EXOC3L4: variants seen among roughly 807,000 people sequenced by gnomAD.
EXOC3L4 encodes exocyst complex component 3-like protein 4.
A neutral mutation model predicts 69.7 loss-of-function variants in EXOC3L4; 62 were observed. The observed-to-expected ratio is 0.89, with a 90% CI of 0.72 to 1.10. The LOEUF is 1.10. Among genes scored for constraint, EXOC3L4 ranks in the 50% least tolerant of loss-of-function variants. The pLI is 0.00. For synonymous variants in EXOC3L4, 502 were observed against 464.2 expected (o/e 1.08, Z -1.05); for missense variants, 1,087 against 1,034.8 (o/e 1.05, Z -0.69).
chr14:103,104,734 G>T lies in EXOC3L4; in HGVS notation c.1285-4G>T, dbSNP rs1459620537. The T allele has an allele frequency of 6.7e-7, 1 of 1,495,878 alleles. No individual in the cohort carries two copies. The highest frequency in any genetic ancestry group is 8.9e-7 in the Non-Finnish European group (1 of 1,123,156). 92.7% of individuals were successfully genotyped at this position (1,495,878 alleles called of 1,614,324 possible). ...GCACGCTCAGTGCGGGGCTTCGCTCGCAGCTCGTGGCCGAGCACGTGAAGG... is the reference window on the plus strand; with the variant it reads ...GCACGCTCAGTGCGGGGCTTCGCTCTCAGCTCGTGGCCGAGCACGTGAAGG... On this transcript the variant is annotated splice_polypyrimidine_tract_variant and splice_region_variant and intron_variant, in intron 5 of 11. Coordinates refer to ENST00000688303, the MANE Select transcript of EXOC3L4 (RefSeq NM_001077594.2).
At position 103,100,206 on chromosome 14, in the gene EXOC3L4, C is replaced by T. The variant is rs769851589; in HGVS notation, c.-14C>T. 2 of 1,559,548 alleles carry T rather than the reference C, an allele frequency of 1.3e-6. No homozygotes were observed. Among genetic ancestry groups the T allele is most frequent in the South Asian group, 1.2e-5 (1 of 84,390 alleles). Reference sequence around the variant, plus strand: ...TGGCCACTCCTTCTTGCCCCCAGCTCTCCTGCTGCCAAGATGCCATCACCA... The same window carrying T: ...TGGCCACTCCTTCTTGCCCCCAGCTTTCCTGCTGCCAAGATGCCATCACCA... On this transcript the variant is annotated splice_region_variant and 5_prime_UTR_variant, in exon 2 of 12. Transcript: ENST00000688303.
rs767593160 is a variant in EXOC3L4 at position 103,104,370 on chromosome 14, TGTCCATGGAC to T, written c.1272_1281del (p.Met424IlefsTer8). The T allele has an allele frequency of 3.2e-6, 5 of 1,584,220 alleles. No homozygotes were observed. The highest frequency in any genetic ancestry group is 1.4e-5 in the African/African-American group (1 of 73,630). ...CTGCAGGGCCTCTACCAGGCGCCGC[TGTCCATGGAC>T]GTCCATATGGTGCGGCCCGGGAGCA... is the stretch of plus-strand genomic sequence containing the variant. On this transcript the variant is annotated frameshift_variant, in exon 5 of 12. Transcript: ENST00000688303. LOFTEE classifies it high-confidence loss of function.
At chr14:103,108,624 AC>A in intron 11 of EXOC3L4, 107 bp downstream of exon 11, 1 of 1,467,526 alleles carries the variant, frequency 6.8e-7, no homozygotes, top group Non-Finnish European at 9.2e-7. Flanking sequence ...GGGCCTGAAG[AC>A]CAGAGGCAGG....
At position 103,108,327 on chromosome 14, in the gene EXOC3L4, C is replaced by T. The variant is rs533388822; in HGVS notation, c.1855-69C>T. ...GAGGGCTGACCTCGCACTGACCTCG[C>T]GCTCTTGCAGGAGTTGGAGCAGCGG... On this transcript the variant is annotated intron_variant, in intron 10 of 11. Coordinates refer to ENST00000688303, the MANE Select transcript of EXOC3L4 (RefSeq NM_001077594.2). The T allele has an allele frequency of 1.4e-5, 22 of 1,582,602 alleles. No individual in the cohort carries two copies. The African/African-American group carries it at 1.9e-4, about 14-fold the overall frequency.
intron 2 of EXOC3L4, among the ~76,000 whole-genome samples, chr14:103,101,651 C>T (rs1890190757): frequency 6.6e-6 from 1 of 152,124 alleles, no homozygotes. Context: ...GGAGGATACA[C>T]TGGGGTGGGA....
chr14:103,102,777 G>A lies in EXOC3L4; in HGVS notation c.1049+5G>A. 1 of 1,335,874 alleles carries A rather than the reference G, an allele frequency of 7.5e-7. No homozygotes were observed. Among genetic ancestry groups the A allele is most frequent in the Non-Finnish European group, 9.6e-7 (1 of 1,045,962 alleles). 82.8% of individuals were successfully genotyped at this position (1,335,874 alleles called of 1,614,324 possible). Reference sequence around the variant, plus strand: ...GGCCGCCAACGTCTACGGCAGGTGAGTCTCGGCCAGGGCGCCCAGTGGCGA... The same window carrying A: ...GGCCGCCAACGTCTACGGCAGGTGAATCTCGGCCAGGGCGCCCAGTGGCGA... On this transcript the variant is annotated splice_donor_5th_base_variant and intron_variant, in intron 3 of 11. Coordinates refer to ENST00000688303, the MANE Select transcript of EXOC3L4 (RefSeq NM_001077594.2).
intron 1 of EXOC3L4, among the ~76,000 whole-genome samples, chr14:103,095,803 AC>A (rs1228548588): frequency 6.6e-6 from 1 of 152,180 alleles, no homozygotes; most frequent in Non-Finnish European, 1.5e-5. Context: ...AATTTACTAA[AC>A]CCTTTTATTA....
Position 103,102,287 on chromosome 14 carries a change from G to A in EXOC3L4, c.564G>A (p.Gly188=). 6.3e-7 allele frequency: 1 copy of A among 1,577,126 alleles called. No homozygotes were observed. The highest frequency in any genetic ancestry group is 8.6e-7 in the Non-Finnish European group (1 of 1,166,356). Residue 188 remains glycine, a synonymous_variant, in exon 3 of 12, where the codon GGG becomes GGA. Coordinates refer to ENST00000688303, the MANE Select transcript of EXOC3L4 (RefSeq NM_001077594.2). ...RAMDVCLLYD[G]LAAEIGAIVR... Reference sequence around the variant, plus strand: ...TGGACGTGTGCCTGCTTTACGACGGGCTGGCAGCCGAGATCGGCGCCATCG... The same window carrying A: ...TGGACGTGTGCCTGCTTTACGACGGACTGGCAGCCGAGATCGGCGCCATCG...
Position 103,100,320 on chromosome 14 carries a change from G to A in EXOC3L4, c.101G>A (p.Ser34Asn). The A allele has an allele frequency of 6.3e-7, 1 of 1,590,770 alleles. No individual in the cohort carries two copies. The highest frequency in any genetic ancestry group is 1.1e-5 in the South Asian group (1 of 88,250). Residue 34 changes from serine to asparagine, a missense_variant, in exon 2 of 12, where the codon AGC becomes AAC. Physicochemically the swap from Ser to Asn is conservative, Grantham distance 46. Transcript: ENST00000688303. ...GCTCAGGGCTCCCGGCGAACAAGCA[G>A]CAGGAAAGAGCCCAATGCCCACCGC... ...TPAQGSRRTSSRKEPNAHRKD... is the reference protein window; with the variant it reads ...TPAQGSRRTSNRKEPNAHRKD...
At position 103,102,245 on chromosome 14, in the gene EXOC3L4, C is replaced by A; in HGVS notation, c.522C>A (p.Ala174=). The A allele has an allele frequency of 6.3e-7, 1 of 1,588,688 alleles. No homozygotes were observed. Among genetic ancestry groups the A allele is most frequent in the East Asian group, 2.3e-5 (1 of 43,314 alleles). Residue 174 remains alanine (A), a synonymous_variant, in exon 3 of 12, where the codon GCC becomes GCA. Coordinates refer to ENST00000688303, the MANE Select transcript of EXOC3L4 (RefSeq NM_001077594.2). ...GCACCTTTGAGCAGGACCCTACGGC[C>A]TTCGCGCGGCGCGCTATGGACGTGT... The part of the protein sequence containing the change: ...ASRTFEQDPT[A]FARRAMDVCL...
intron 3 of EXOC3L4, 140 bp downstream of exon 3, chr14:103,102,912 A>C: frequency 9.0e-6 from 8 of 888,148 alleles, no homozygotes; most frequent in Non-Finnish European, 1.1e-5. Context: ...GGGCTTCGAC[A>C]TGCTTTCCTC....
chr14:103,107,140 G>A (rs1173273759), intron 8 of EXOC3L4, among the ~76,000 whole-genome samples: 2 of 152,192 alleles, frequency 1.3e-5, no homozygotes, highest in Non-Finnish European at 2.9e-5. Flanking sequence ...CTGGGATGGT[G>A]GGTCCACGGA....
At chr14:103,099,232 G>C (rs1018850765) in intron 1 of EXOC3L4, among the ~76,000 whole-genome samples, 1 of 152,334 alleles carries the variant, frequency 6.6e-6, no homozygotes, top group African/African-American at 2.4e-5. Context: ...TTGTGCAATG[G>C]GGTGGGTGGG....
intron 2 of EXOC3L4, among the ~76,000 whole-genome samples, chr14:103,101,037 G>C (rs1042676859): frequency 5.9e-5 from 9 of 151,698 alleles, no homozygotes; most frequent in African/African-American, 2.2e-4. Flanking sequence ...CAAGTCACTA[G>C]GACTACAGGT....
intron 8 of EXOC3L4, 63 bp from the exon 9 acceptor site, chr14:103,107,361 G>A (rs750367530): frequency 7.5e-5 from 119 of 1,577,838 alleles, no homozygotes; most frequent in African/African-American, 1.2e-4. Flanking sequence ...ACTGGGCTTC[G>A]AGGGAGGGGT....
intron 1 of EXOC3L4, among the ~76,000 whole-genome samples, chr14:103,095,960 T>C (rs1161690729): frequency 6.6e-6 from 1 of 152,196 alleles, no homozygotes; most frequent in Non-Finnish European, 1.5e-5. Context: ...TCCAGCCAAA[T>C]GTTGAGGAGT....
At position 103,107,507 on chromosome 14, in the gene EXOC3L4, C is replaced by A. The variant is rs755185520; in HGVS notation, c.1665C>A (p.Ala555=). 1.2e-6 allele frequency: 2 copies of A among 1,613,774 alleles called. No homozygotes were observed. Among genetic ancestry groups the A allele is most frequent in the Non-Finnish European group, 1.7e-6 (2 of 1,180,034 alleles). ...TCATGGACAAGGTGGTGACCTTCGC[C>A]GGTCATCTCCAGCGTGTGGCCCGGC... ...HPLMDKVVTF[A]GHLQRVARPR... The change falls in exon 9 of 12, where the codon GCC becomes GCA. Residue 555 remains alanine, a synonymous_variant. Coordinates refer to ENST00000688303, the MANE Select transcript of EXOC3L4 (RefSeq NM_001077594.2).
At chr14:103,109,074 C>T (rs1392937444) in intron 11 of EXOC3L4, among the ~76,000 whole-genome samples, 1 of 151,644 alleles carries the variant, frequency 6.6e-6, no homozygotes, top group Non-Finnish European at 1.5e-5. Context: ...GTGGCCCTTA[C>T]ATCACCCTGG....
rs1264819791 is a variant in EXOC3L4 at position 103,097,763 on chromosome 14, A to G, written c.-16-2441A>G. Among the ~76,000 whole-genome samples the G allele has an allele frequency of 2.0e-5, 3 of 152,290 alleles. No homozygotes were observed. In the East Asian group the frequency reaches 5.8e-4, roughly 29 times the overall value. ...CTGAAACCCAAGTCAGGTTTGGAGA[A>G]CAAACAGGGGCCAGGAAAGGGAATG... On this transcript the variant is annotated intron_variant, in intron 1 of 11. Coordinates refer to ENST00000688303, the MANE Select transcript of EXOC3L4 (RefSeq NM_001077594.2). The surrounding 1 kb of genome is among the most constrained non-coding windows in gnomAD (Gnocchi z 4.9).
Sources: gnomAD v4.1 joint callset for allele counts (sites outside exome capture counted in the v4.1 genomes callset) on GRCh38, gnomAD v4.1.1 for gene constraint, Gnocchi (gnomAD v3.1) non-coding constraint, MANE v1.5 for transcripts, NCBI Gene and HGNC (gene_info 2026-07-23, HGNC 2026-07-21) for gene names.